Variants in INTS8 observed in about 807,000 individuals in gnomAD.
INTS8 encodes integrator complex subunit 8, also known as protein kaonashi-1.
A neutral mutation model predicts 138.9 loss-of-function variants in INTS8; 47 were observed. That is an observed-to-expected ratio of 0.34 (90% confidence interval 0.27 to 0.43). The LOEUF (loss-of-function observed/expected upper bound fraction) is 0.43, where lower values mean the gene tolerates loss of function less well. INTS8 is among the 20% of genes least tolerant of loss of function. The pLI, the probability that INTS8 is intolerant of heterozygous loss-of-function variation, is 1.00. For synonymous variants in INTS8, 392 were observed against 400.9 expected, an observed-to-expected ratio of 0.98 and a Z score of 0.27; for missense variants, 996 against 1,173.0, an observed-to-expected ratio of 0.85 and a Z score of 2.20.
intron 6 of INTS8, among the ~76,000 whole-genome samples, chr8:94,836,239 C>G (rs1439271171): frequency 6.6e-6 from 1 of 152,164 alleles, no homozygotes; most frequent in Non-Finnish European, 1.5e-5. Flanking sequence ...CTCATCCTGA[C>G]TGCATGCCTC....
chr8:94,872,178 A>G (rs562547665), intron 21 of INTS8, among the ~76,000 whole-genome samples, 176 bp downstream of exon 21: 47 of 152,130 alleles, frequency 3.1e-4, no homozygotes, highest in African/African-American at 1.0e-3. Context: ...CCTTTGGTTC[A>G]GATGCTTTTA....
At chr8:94,875,314 C>T (rs984790818) in intron 23 of INTS8, among the ~76,000 whole-genome samples, 2 of 152,142 alleles carry the variant, frequency 1.3e-5, no homozygotes, top group Non-Finnish European at 2.9e-5. Context: ...GTTACTGTTA[C>T]GTGGTACAGC....
At chr8:94,848,295 G>A (rs1815404366) in intron 10 of INTS8, among the ~76,000 whole-genome samples, 1 of 152,024 alleles carries the variant, frequency 6.6e-6, no homozygotes, top group African/African-American at 2.4e-5. Context: ...TTAGAGGCAG[G>A]AGCCACCGCA....
At position 94,881,532 on chromosome 8, in the gene INTS8, A is replaced by G; in HGVS notation, c.*1298A>G. On this transcript the variant is annotated 3_prime_UTR_variant, in exon 27 of 27. Coordinates refer to ENST00000523731, the MANE Select transcript of INTS8 (RefSeq NM_017864.4). Reference sequence around the variant, plus strand: ...GTGTAACTTGTGAATTGGCTAGGGCAATCAATCACAGCACTACTTTCTGTA... The same window carrying G: ...GTGTAACTTGTGAATTGGCTAGGGCGATCAATCACAGCACTACTTTCTGTA... 3.4e-6 allele frequency: 4 copies of G among 1,192,728 alleles called. No homozygotes were observed. Among genetic ancestry groups the G allele is most frequent in the Non-Finnish European group, 4.7e-6 (4 of 843,222 alleles). The allele number at this position is 1,192,728 out of a possible 1,614,324, so 73.9% of individuals were successfully genotyped here. A position where few individuals can be genotyped will look rare whatever the true frequency, so the allele number is the denominator to read the frequency against.
In INTS8 at chr8:94,841,527, T is replaced by C. The variant is rs1217005403; in HGVS notation, c.1054T>C (p.Leu352=). 13 of 1,608,496 alleles carry C rather than the reference T, an allele frequency of 8.1e-6. No individual in the cohort carries two copies. Among genetic ancestry groups the C allele is most frequent in the Non-Finnish European group, 1.7e-6 (2 of 1,176,224 alleles). The change falls in exon 9 of 27, where the codon TTG becomes CTG. Residue 352 remains leucine, a synonymous_variant. Transcript: ENST00000523731. ...GATTTTCATTGAAGACAACTTAACC[T>C]TGAGTTTACCTGTCCAGTTCCGACA... ...IQIFIEDNLT[L]SLPVQFRQSV...
intron 6 of INTS8, 24 bp downstream of exon 6, chr8:94,832,198 C>T (rs190757765): frequency 5.7e-6 from 9 of 1,585,474 alleles, no homozygotes; most frequent in Middle Eastern, 1.7e-4. Context: ...ACTTAATTTA[C>T]GTAGGGCAAT....
chr8:94,835,071 AT>A (rs1201441565), intron 6 of INTS8, among the ~76,000 whole-genome samples: 1 of 152,212 alleles, frequency 6.6e-6, no homozygotes, highest in Admixed American at 6.5e-5. Context: ...ATCCTTACAG[AT>A]CAGGCCAAGG....
In INTS8 at chr8:94,880,114, G is replaced by A; in HGVS notation, c.2872-4G>A. ...CTAATAACATCACTTTTCTGTTTTG[G>A]AAGATCAAAGCCATCGGCCAGACAG... is the stretch of plus-strand genomic sequence containing the variant. On this transcript the variant is annotated splice_polypyrimidine_tract_variant and splice_region_variant and intron_variant, in intron 26 of 26. Transcript: ENST00000523731. The A allele has an allele frequency of 6.3e-7, 1 of 1,596,054 alleles. No homozygotes were observed. The highest frequency in any genetic ancestry group is 8.5e-7 in the Non-Finnish European group (1 of 1,171,322).
At chr8:94,878,917 C>G (rs1816676957) in intron 26 of INTS8, among the ~76,000 whole-genome samples, 1 of 152,090 alleles carries the variant, frequency 6.6e-6, no homozygotes, top group East Asian at 1.9e-4. Context: ...TTTTGGGTGT[C>G]TCCTTCTGCC....
intron 10 of INTS8, among the ~76,000 whole-genome samples, chr8:94,844,751 T>A (rs1016190917): frequency 2.6e-4 from 39 of 150,610 alleles, no homozygotes; most frequent in African/African-American, 9.3e-4. Context: ...TTTTAGTTTT[T>A]CTTTTTTTTT....
At chr8:94,823,752 A>G (rs1201142206) in intron 1 of INTS8, among the ~76,000 whole-genome samples, 191 bp downstream of exon 1, 2 of 152,192 alleles carry the variant, frequency 1.3e-5, no homozygotes, top group Non-Finnish European at 2.9e-5. Context: ...AGCTCGAAAC[A>G]AAGGCTCTCC....
At chr8:94,865,754 T>C in intron 17 of INTS8, 64 bp downstream of exon 17, 1 of 1,374,664 alleles carries the variant, frequency 7.3e-7, no homozygotes, top group Non-Finnish European at 1.0e-6. Flanking sequence ...ATTTATACTA[T>C]TAACCTATTA....
intron 16 of INTS8, among the ~76,000 whole-genome samples, chr8:94,861,893 A>G (rs374892447): frequency 1.3e-5 from 2 of 151,508 alleles, no homozygotes; most frequent in Non-Finnish European, 2.9e-5. Flanking sequence ...GAAAACTGCC[A>G]TACTTGAATT....
rs548876480 is a variant in INTS8 at position 94,865,608 on chromosome 8, G to T, written c.2179G>T (p.Val727Leu). 1.2e-6 allele frequency: 2 copies of T among 1,614,084 alleles called. No individual in the cohort carries two copies. Among genetic ancestry groups the T allele is most frequent in the South Asian group, 2.2e-5 (2 of 91,082 alleles). Reference sequence around the variant, plus strand: ...GGAAGTTGTTGTTCAAATCTGTAGTGTGTCCAGTCAGCACAAACGAGGAAA... The same window carrying T: ...GGAAGTTGTTGTTCAAATCTGTAGTTTGTCCAGTCAGCACAAACGAGGAAA... The part of the protein sequence containing the change: ...LWEVVVQICS[V>L]SSQHKRGNDG... The change falls in exon 17 of 27, where the codon GTG becomes TTG. Residue 727 changes from valine to leucine, a missense_variant. Val to Leu is a conservative substitution (Grantham distance 32). Coordinates refer to ENST00000523731, the MANE Select transcript of INTS8 (RefSeq NM_017864.4).
At chr8:94,865,441 A>T in intron 16 of INTS8, 65 bp from the exon 17 acceptor site, 2 of 1,319,804 alleles carry the variant, frequency 1.5e-6, no homozygotes, top group Non-Finnish European at 2.1e-6. Flanking sequence ...GTGTGCCTTG[A>T]TAATAGAACT....
intron 25 of INTS8, 35 bp downstream of exon 25, chr8:94,876,320 A>G (rs749723270): frequency 6.6e-7 from 1 of 1,525,898 alleles, no homozygotes; most frequent in Non-Finnish European, 9.0e-7. Context: ...TGTTAGAATG[A>G]TCCATTTTTA....
intron 16 of INTS8, among the ~76,000 whole-genome samples, chr8:94,863,070 A>G (rs534757683): frequency 2.0e-5 from 3 of 152,340 alleles, no homozygotes; most frequent in East Asian, 3.9e-4. Flanking sequence ...AAAACTGTCT[A>G]GTCTGCCCCT....
Position 94,823,559 on chromosome 8 carries a change from C to G in INTS8, c.128C>G (p.Pro43Arg). The change falls in exon 1 of 27, where the codon CCG (proline) becomes CGG (arginine). Residue 43 changes from proline (P) to arginine (R), a missense_variant and splice_region_variant. Physicochemically the swap from Pro to Arg is moderately radical, Grantham distance 103. Transcript: ENST00000523731. ...GAGAAACATCTGCGCAAGCCCTGCCCGGGTGAGCGCGGCGCCTGCACCTGG... is the reference window on the plus strand; with the variant it reads ...GAGAAACATCTGCGCAAGCCCTGCCGGGGTGAGCGCGGCGCCTGCACCTGG... ...LLEKHLRKPC[P>R]DPAPVQLIVQ... 1.3e-6 allele frequency: 2 copies of G among 1,567,268 alleles called. No homozygotes were observed. The highest frequency in any genetic ancestry group is 1.7e-6 in the Non-Finnish European group (2 of 1,158,068).
At chr8:94,857,833 G>A (rs781268081) in intron 15 of INTS8, among the ~76,000 whole-genome samples, 13 of 152,184 alleles carry the variant, frequency 8.5e-5, no homozygotes, top group African/African-American at 1.2e-4. Context: ...ATAAGGTCAC[G>A]TTCTCAGGTT....
Sources: allele counts gnomAD v4.1 joint callset (sites outside exome capture counted in the v4.1 genomes callset), GRCh38; gene constraint gnomAD v4.1.1; transcripts MANE v1.5; gene names NCBI Gene and HGNC (gene_info 2026-07-23, HGNC 2026-07-21).